The following BMX variants were observed in gnomAD, a reference collection of about 807,000 sequenced individuals.
BMX encodes the protein BMX non-receptor tyrosine kinase, also known as cytoplasmic tyrosine-protein kinase BMX.
BMX carries 31 observed loss-of-function variants against 59.2 expected under a neutral mutation model. That is an observed-to-expected ratio of 0.52 (90% confidence interval 0.39 to 0.71). The LOEUF (loss-of-function observed/expected upper bound fraction) is 0.71, where lower values mean the gene tolerates loss of function less well. Among genes scored for constraint, BMX ranks in the 30% least tolerant of loss-of-function variants. The pLI, the probability that BMX is intolerant of heterozygous loss-of-function variation, is 0.00. For synonymous variants in BMX, 185 were observed against 181.0 expected (o/e 1.02, Z -0.18); for missense variants, 474 against 491.7 (o/e 0.96, Z 0.34).
intron 17 of BMX, among the ~76,000 whole-genome samples, chrX:15,547,679 T>G (rs1289867549): frequency 1.8e-5 from 2 of 112,356 alleles, no homozygotes; most frequent in Non-Finnish European, 3.8e-5. Context: ...CCAAAAAGTC[T>G]AAAATGCTAT....
intron 3 of BMX, among the ~76,000 whole-genome samples, chrX:15,509,849 A>G (rs1923885663): frequency 8.9e-6 from 1 of 112,032 alleles, no homozygotes; most frequent in Admixed American, 9.4e-5. Flanking sequence ...GGTGGAGGTC[A>G]GCAGAATGCA....
chrX:15,521,339 A>C (rs1924442459), intron 6 of BMX, among the ~76,000 whole-genome samples: 1 of 112,083 alleles, frequency 8.9e-6, no homozygotes, highest in African/African-American at 3.2e-5. Context: ...TCTTTTCTTC[A>C]ATTTGTGAGA....
intron 1 of BMX, among the ~76,000 whole-genome samples, chrX:15,506,563 G>GT (rs747912154): frequency 8.9e-6 from 1 of 112,267 alleles, no homozygotes; most frequent in East Asian, 2.8e-4. Flanking sequence ...CTCAAAAAAA[G>GT]TAGACCCTCA....
At chrX:15,547,300 A>G (rs908556066) in intron 17 of BMX, among the ~76,000 whole-genome samples, 2 of 111,816 alleles carry the variant, frequency 1.8e-5, no homozygotes, top group Non-Finnish European at 3.8e-5. Flanking sequence ...ATTTCAAATA[A>G]TTTTTTAAAA....
chrX:15,522,621 TGTAGA>T (rs779966552), intron 7 of BMX, 34 bp downstream of exon 7: 5 of 1,205,964 alleles, frequency 4.1e-6, no homozygotes, highest in Non-Finnish European at 5.6e-6. Context: ...CTGCCCAGCA[TGTAGA>T]GTAAACACTA....
At chrX:15,513,664 T>C (rs1459728803) in intron 4 of BMX, among the ~76,000 whole-genome samples, 1 of 112,093 alleles carries the variant, frequency 8.9e-6, no homozygotes, top group Admixed American at 9.5e-5. Flanking sequence ...AGTGGTAGCA[T>C]AGGAGTGTGT....
intron 6 of BMX, among the ~76,000 whole-genome samples, chrX:15,518,732 G>A (rs1433775548): frequency 9.0e-6 from 1 of 111,354 alleles, no homozygotes; most frequent in East Asian, 2.8e-4. Context: ...TTCCAAGGAA[G>A]ATGAGGTCTA....
rs1924240587 is a variant in BMX, at chrX:15,517,981, C to G, written c.498C>G (p.Phe166Leu). ...VNEEKHRVPT[F>L]PDRVLKIPRA... ...AAGAGAAACACAGAGTTCCCACCTTCCCAGACAGAGTGGTAAGTCAACATT... is the reference window on the plus strand; with the variant it reads ...AAGAGAAACACAGAGTTCCCACCTTGCCAGACAGAGTGGTAAGTCAACATT... The change falls in exon 6 of 19, where the codon TTC becomes TTG. Residue 166 changes from phenylalanine (F) to leucine (L), a missense_variant. Transcript: ENST00000348343. The G allele has an allele frequency of 8.3e-7, 1 of 1,205,265 alleles. No individual in the cohort carries two copies. Among genetic ancestry groups the G allele is most frequent in the African/African-American group, 1.7e-5 (1 of 57,668 alleles).
chrX:15,526,164 A>C, intron 9 of BMX, 69 bp downstream of exon 9: 1 of 976,962 alleles, frequency 1.0e-6, no homozygotes. Flanking sequence ...TTCCTCAAAG[A>C]CATTAAAACA....
At chrX:15,504,423 C>T (rs1311621354) in intron 1 of BMX, among the ~76,000 whole-genome samples, 1 of 111,518 alleles carries the variant, frequency 9.0e-6, no homozygotes, top group Non-Finnish European at 1.9e-5. Flanking sequence ...TCCATGCCTT[C>T]CGAGTCTGCC....
At chrX:15,540,488 G>T (rs756543513) in intron 14 of BMX, among the ~76,000 whole-genome samples, 3 of 109,628 alleles carry the variant, frequency 2.7e-5, no homozygotes, top group Non-Finnish European at 3.8e-5. Context: ...AAGATGACGG[G>T]TGCAGCAAAC....
chrX:15,539,891 G>A lies in BMX; in HGVS notation c.1395-2091G>A, dbSNP rs191954319. On this transcript the variant is annotated intron_variant, in intron 14 of 18. Transcript: ENST00000348343. ...AAACGACAGTGAGATACCATTTCAC[G>A]CCATTTAGAATGGCAATCATTAAAA... Among the ~76,000 whole-genome samples the A allele has an allele frequency of 3.0e-3, 341 of 112,153 alleles. 2 individuals are homozygous for A. Among genetic ancestry groups the A allele is most frequent in the Non-Finnish European group, 3.7e-3 (196 of 53,161 alleles).
intron 5 of BMX, among the ~76,000 whole-genome samples, chrX:15,517,378 T>C (rs1252668127): frequency 8.9e-6 from 1 of 112,131 alleles, no homozygotes; most frequent in Non-Finnish European, 1.9e-5. Flanking sequence ...CTATTTGGTC[T>C]ATTATCATTA....
At chrX:15,520,901 C>T (rs778412094) in intron 6 of BMX, among the ~76,000 whole-genome samples, 10 of 111,241 alleles carry the variant, frequency 9.0e-5, no homozygotes, top group African/African-American at 2.9e-4. Context: ...ATAAATAACA[C>T]TGTCCTGCAT....
chrX:15,533,041 G>A (rs1284537339), intron 11 of BMX, among the ~76,000 whole-genome samples: 4 of 112,432 alleles, frequency 3.6e-5, no homozygotes, highest in Non-Finnish European at 7.5e-5. Context: ...GAATACAGAA[G>A]CCCTCTTTTA....
At position 15,533,754 on chromosome X, in the gene BMX, C is replaced by T. The variant is rs142351483; in HGVS notation, c.1020-458C>T. Among the ~76,000 whole-genome samples the T allele has an allele frequency of 2.5e-3, 281 of 111,464 alleles. 1 individual carries two copies. Among genetic ancestry groups the T allele is most frequent in the Middle Eastern group, 9.2e-3 (2 of 217 alleles). Reference sequence around the variant, plus strand: ...CCTCACCTACTTCATTCTGCATGCCCCAAAAGAGCCTCCTCCCATGTTTTG... The same window carrying T: ...CCTCACCTACTTCATTCTGCATGCCTCAAAAGAGCCTCCTCCCATGTTTTG... On this transcript the variant is annotated intron_variant, in intron 11 of 18. Transcript: ENST00000348343.
chrX:15,548,481 A>C (rs779218151), intron 17 of BMX, among the ~76,000 whole-genome samples: 2 of 111,914 alleles, frequency 1.8e-5, no homozygotes, highest in African/African-American at 3.3e-5. Flanking sequence ...AGTTTTGATA[A>C]TCATGCATCA....
intron 17 of BMX, among the ~76,000 whole-genome samples, chrX:15,548,589 G>T (rs1263312707): frequency 2.7e-5 from 3 of 111,904 alleles, no homozygotes; most frequent in African/African-American, 6.5e-5. Flanking sequence ...TTTACCGTAT[G>T]CCATAGAAGT....
chrX:15,537,765 G>A (rs952619952), intron 14 of BMX, among the ~76,000 whole-genome samples: 9 of 111,063 alleles, frequency 8.1e-5, no homozygotes, highest in Admixed American at 5.7e-4. Flanking sequence ...ACCCTTAAGC[G>A]GACAGACTCC....
Sources: allele counts gnomAD v4.1 joint callset (sites outside exome capture counted in the v4.1 genomes callset), GRCh38; gene constraint gnomAD v4.1.1; transcripts MANE v1.5; gene names NCBI Gene and HGNC (gene_info 2026-07-23, HGNC 2026-07-21).